Variants in MYOM2 observed in about 807,000 individuals in gnomAD.
The protein encoded by MYOM2 is myomesin-2.
MYOM2 carries 254 observed loss-of-function variants against 187.6 expected under a neutral mutation model. The observed-to-expected ratio is 1.35, with a 90% confidence interval of 1.22 to 1.50. The LOEUF is 1.50. MYOM2 is among the 40% of genes most tolerant of loss of function. MYOM2 has a pLI of 0.00. For missense variants in MYOM2, 2,796 were observed against 1,924.0 expected, an observed-to-expected ratio of 1.45 and a Z score of -8.48; for synonymous variants, 981 against 753.8, an observed-to-expected ratio of 1.30 and a Z score of -4.94.
Position 2,094,020 on chromosome 8 carries a change from AG to A in MYOM2, c.2056del (p.Ala686ArgfsTer7), listed in dbSNP as rs771915133. ...GGAGAGCAGTACATCTTCCGAGTCA[AG>A]GCGGTCAATGCTGTGGGGATGAGTG... ...TTGEQYIFRV[K>X]AVNAVGMSEN... On this transcript the variant is annotated frameshift_variant, in exon 17 of 37. Transcript: ENST00000262113. LOFTEE classifies it high-confidence loss of function. 6 of 1,614,034 alleles carry A rather than the reference AG, an allele frequency of 3.7e-6. No individual in the cohort carries two copies. The East Asian group carries it at 1.3e-4, about 36-fold the overall frequency.
chr8:2,047,801 A>G (rs896049771), intron 1 of MYOM2, among the ~76,000 whole-genome samples: 3 of 152,228 alleles, frequency 2.0e-5, no homozygotes, highest in African/African-American at 7.2e-5. Context: ...ACGTGATCCC[A>G]GCTCTGCCTT....
chr8:2,104,528 C>T lies in MYOM2; in HGVS notation c.2735-1714C>T, dbSNP rs536878942. Among the ~76,000 whole-genome samples, 6 of 151,978 alleles carry T rather than the reference C, an allele frequency of 3.9e-5. 1 individual carries two copies. In the East Asian group the frequency reaches 1.2e-3, roughly 29 times the overall value. ...GCGGAGGCAGGAGAATGGGGTGAAC[C>T]TGGGAGGCGGAGGTTGCAGTGAGCC... On this transcript the variant is annotated intron_variant, in intron 21 of 36. Transcript: ENST00000262113.
chr8:2,102,827 A>T, intron 21 of MYOM2, 46 bp downstream of exon 21: 1 of 1,469,226 alleles, frequency 6.8e-7, no homozygotes. Context: ...ATTTGTGGGG[A>T]GAGTGTGCAT....
rs79493499 is a variant in MYOM2 at position 2,045,483 on chromosome 8, G to A, written c.-13+315G>A. On this transcript the variant is annotated intron_variant, in intron 1 of 36. Coordinates refer to ENST00000262113, the MANE Select transcript of MYOM2 (RefSeq NM_003970.4). ...CATCGTGGCCCCAGGGGGCCCCCCA[G>A]TCAGTGGACTGATGTCTGCAAGTTT... Among the ~76,000 whole-genome samples, 1,210 of 152,344 alleles carry A rather than the reference G, an allele frequency of 7.9e-3. 18 individuals carry two copies. The highest frequency in any genetic ancestry group is 0.027 in the African/African-American group (1,139 of 41,572).
intron 17 of MYOM2, 108 bp downstream of exon 17, chr8:2,094,199 G>C: frequency 7.1e-7 from 1 of 1,399,490 alleles, no homozygotes; most frequent in Non-Finnish European, 9.7e-7. Context: ...GGGAAAAGGG[G>C]ACTAAATTCC....
chr8:2,104,193 C>T (rs1050733487), intron 21 of MYOM2, among the ~76,000 whole-genome samples: 5 of 152,050 alleles, frequency 3.3e-5, no homozygotes, highest in Admixed American at 3.3e-4. Flanking sequence ...ATAAAAGTTC[C>T]CTGGAGTCAA....
At chr8:2,086,173 G>T (rs1235004909) in intron 14 of MYOM2, among the ~76,000 whole-genome samples, 4 of 9,326 alleles carry the variant, frequency 4.3e-4, no homozygotes, top group South Asian at 6.5e-3. Flanking sequence ...TGTGATCTCT[G>T]CGTGGCCCCA....
At chr8:2,084,453 C>G (rs1819738449) in intron 13 of MYOM2, among the ~76,000 whole-genome samples, 1 of 152,128 alleles carries the variant, frequency 6.6e-6, no homozygotes, top group Non-Finnish European at 1.5e-5. Context: ...AGGTTTCAGA[C>G]CGTTTTAATC....
At chr8:2,141,014 A>C in intron 33 of MYOM2, 127 bp from the exon 34 acceptor site, 1 of 1,336,720 alleles carries the variant, frequency 7.5e-7, no homozygotes, top group African/African-American at 1.5e-5. Context: ...GAGAAAATGA[A>C]AAAATAAATT....
intron 10 of MYOM2, 125 bp from the exon 11 acceptor site, chr8:2,076,016 C>T (rs968772121): frequency 3.6e-6 from 3 of 837,636 alleles, no homozygotes; most frequent in Non-Finnish European, 5.3e-6. Flanking sequence ...GTACTTTGAA[C>T]ATGAGAATTA....
chr8:2,143,767 TC>T (rs1798360863), intron 36 of MYOM2, among the ~76,000 whole-genome samples: 1 of 152,236 alleles, frequency 6.6e-6, no homozygotes, highest in Non-Finnish European at 1.5e-5. Context: ...CTGTGGCCAT[TC>T]ACCCAGAGGA....
intron 28 of MYOM2, among the ~76,000 whole-genome samples, chr8:2,119,770 G>C (rs914426017): frequency 3.3e-5 from 5 of 152,122 alleles, no homozygotes; most frequent in Non-Finnish European, 7.4e-5. Flanking sequence ...GGAGCACATG[G>C]GGACACAGGA....
intron 6 of MYOM2, among the ~76,000 whole-genome samples, chr8:2,065,950 G>A (rs1012708194): frequency 3.3e-5 from 5 of 152,244 alleles, no homozygotes; most frequent in Non-Finnish European, 7.3e-5. Flanking sequence ...GTTGAGAGCC[G>A]TGGGGCGCAG....
intron 28 of MYOM2, among the ~76,000 whole-genome samples, chr8:2,122,397 GAA>G (rs1209853067): frequency 6.6e-6 from 1 of 152,192 alleles, no homozygotes; most frequent in Non-Finnish European, 1.5e-5. Flanking sequence ...AAGTGTTAGT[GAA>G]ACAGACGAAA....
chr8:2,062,005 G>A (rs866330494), intron 6 of MYOM2, among the ~76,000 whole-genome samples: 12 of 152,322 alleles, frequency 7.9e-5, no homozygotes, highest in South Asian at 2.1e-4. Flanking sequence ...CCGTTGTGGT[G>A]TGAAATAGAT....
intron 17 of MYOM2, 59 bp downstream of exon 17, chr8:2,094,150 G>C (rs1796402633): frequency 6.3e-7 from 1 of 1,587,328 alleles, no homozygotes; most frequent in African/African-American, 1.3e-5. Context: ...ATTTCTGCAT[G>C]AATAAACATT....
chr8:2,133,069 G>A (rs939867297), intron 32 of MYOM2, among the ~76,000 whole-genome samples: 1 of 152,160 alleles, frequency 6.6e-6, no homozygotes, highest in African/African-American at 2.4e-5. Context: ...AGGGGTGGGA[G>A]CTCCAGGTAT....
chr8:2,132,836 T>C (rs1380893471), intron 32 of MYOM2, among the ~76,000 whole-genome samples: 2 of 152,194 alleles, frequency 1.3e-5, no homozygotes, highest in East Asian at 3.9e-4. Context: ...TCTCCTAAAA[T>C]CTCAGCTAAC....
chr8:2,046,159 A>T (rs1186202846), intron 1 of MYOM2, among the ~76,000 whole-genome samples: 2 of 152,234 alleles, frequency 1.3e-5, no homozygotes, highest in Admixed American at 6.5e-5. Context: ...TGACATTTTT[A>T]ACTGTACAAA....
Sources: allele counts gnomAD v4.1 joint callset (sites outside exome capture counted in the v4.1 genomes callset), GRCh38; gene constraint gnomAD v4.1.1; transcripts MANE v1.5; gene names NCBI Gene and HGNC (gene_info 2026-07-23, HGNC 2026-07-21).